Variants in GATC observed in about 807,000 individuals in gnomAD.
The protein encoded by GATC is glutamyl-tRNA amidotransferase subunit C.
In GATC, 11 loss-of-function variants were observed where a neutral mutation model predicts 14.4. That is an observed-to-expected ratio of 0.77 (90% CI 0.48 to 1.27). The LOEUF (loss-of-function observed/expected upper bound fraction) is 1.27, where lower values mean the gene tolerates loss of function less well. Ranked by LOEUF, GATC falls within the 50% of genes most tolerant of loss-of-function variation. GATC has a pLI of 0.00. For missense variants in GATC, 204 were observed against 183.0 expected (o/e 1.11, Z -0.66); for synonymous variants, 76 against 79.3 (o/e 0.96, Z 0.22).
chr12:120,446,864 G>C lies in GATC; in HGVS notation c.254+35G>C, dbSNP rs370981592. 5 of 1,555,204 alleles carry C rather than the reference G, an allele frequency of 3.2e-6. No homozygotes were observed. In the African/African-American group the frequency reaches 6.8e-5, roughly 21 times the overall value. On this transcript the variant is annotated intron_variant, in intron 2 of 3. Coordinates refer to ENST00000551765, the MANE Select transcript of GATC (RefSeq NM_176818.3). The stretch of plus-strand genomic sequence containing the variant: ...CGGCTGCAGCCCCGAAGCCTTGACC[G>C]TGGCCCGTTCGCAGCCGTTTAATGT...
chr12:120,459,111 G>A lies in GATC; in HGVS notation c.359-796G>A, dbSNP rs1408800325. Among the ~76,000 whole-genome samples the A allele has an allele frequency of 5.3e-5, 8 of 151,846 alleles. No individual in the cohort carries two copies. In the East Asian group the frequency reaches 5.8e-4, roughly 11 times the overall value. On this transcript the variant is annotated intron_variant, in intron 3 of 3. Coordinates refer to ENST00000551765, the MANE Select transcript of GATC (RefSeq NM_176818.3). ...TCCTGACCTCGTGATCGTCCGCTTC[G>A]GCCTCCCAGAGTGCTGGGATTACAG...
In GATC at chr12:120,461,445, C is replaced by A. The variant is rs1186929590; in HGVS notation, c.*1486C>A. On this transcript the variant is annotated 3_prime_UTR_variant, in exon 4 of 4. Transcript: ENST00000551765. ...TGCAATGCTTTTTTCTTTAAGGCAG[C>A]CTAATTTACAAGCTTGGCCTTGAAT... is the stretch of plus-strand genomic sequence containing the variant. 1.3e-5 allele frequency: 2 copies of A among 152,152 alleles called. No homozygotes were observed. The highest frequency in any genetic ancestry group is 2.9e-5 in the Non-Finnish European group (2 of 68,042). The allele number at this position is 152,152 out of a possible 1,614,324, so 9.4% of individuals were successfully genotyped here.
At position 120,460,185 on chromosome 12, in the gene GATC, A is replaced by C. The variant is rs1339594127; in HGVS notation, c.*226A>C. 2.3e-5 allele frequency: 11 copies of C among 471,634 alleles called. No individual in the cohort carries two copies. The East Asian group carries it at 4.3e-4, about 19-fold the overall frequency. The allele number at this position is 471,634 out of a possible 1,614,324, so 29.2% of individuals were successfully genotyped here. On this transcript the variant is annotated 3_prime_UTR_variant, in exon 4 of 4. Coordinates refer to ENST00000551765, the MANE Select transcript of GATC (RefSeq NM_176818.3). ...CTGAGGTGAAAGAAAAGCAAAAGTC[A>C]GCTTCCAAGGAATTCACTTAACAGG...
At chr12:120,446,979 A>G (rs1353551039) in intron 2 of GATC, 150 bp downstream of exon 2, 9 of 686,000 alleles carry the variant, frequency 1.3e-5, no homozygotes, top group Non-Finnish European at 2.1e-5. Flanking sequence ...CAGTGGCTTC[A>G]CTCTTCCCCT....
intron 2 of GATC, among the ~76,000 whole-genome samples, chr12:120,456,616 G>C (rs1238199076): frequency 1.3e-5 from 2 of 152,136 alleles, no homozygotes; most frequent in Admixed American, 1.3e-4. Context: ...GTGCCAGGAA[G>C]TCCATTTCTC....
rs1878298375 is a variant in GATC at position 120,460,246 on chromosome 12, T to C, written c.*287T>C. ...ATGGAAGACATTATTTATCTGCCTT[T>C]AACTCCCCCCAAAGGACCATACCAA... On this transcript the variant is annotated 3_prime_UTR_variant, in exon 4 of 4. Coordinates refer to ENST00000551765, the MANE Select transcript of GATC (RefSeq NM_176818.3). 1 of 266,932 alleles carries C rather than the reference T, an allele frequency of 3.7e-6. No individual in the cohort carries two copies. Among genetic ancestry groups the C allele is most frequent in the Admixed American group, 5.4e-5 (1 of 18,522 alleles). The allele number at this position is 266,932 out of a possible 1,614,324, so 16.5% of individuals were successfully genotyped here.
chr12:120,446,722 C>T lies in GATC; in HGVS notation c.147C>T (p.Gly49=). 1 of 1,613,948 alleles carries T rather than the reference C, an allele frequency of 6.2e-7. No homozygotes were observed. The highest frequency in any genetic ancestry group is 8.5e-7 in the Non-Finnish European group (1 of 1,180,018). The change falls in exon 2 of 4, where the codon GGC becomes GGT. Residue 49 remains glycine, a synonymous_variant. Coordinates refer to ENST00000551765, the MANE Select transcript of GATC (RefSeq NM_176818.3). ...AGCGTCTAGCGCTTGTGGACTTCGG[C>T]AGCCGCGAGGCAGTGGCGCGACTGG... The part of the protein sequence containing the change: ...HLERLALVDF[G]SREAVARLEK...
In GATC at chr12:120,461,942, C is replaced by T. The variant is rs1320480250; in HGVS notation, c.*1983C>T. On this transcript the variant is annotated 3_prime_UTR_variant, in exon 4 of 4. Coordinates refer to ENST00000551765, the MANE Select transcript of GATC (RefSeq NM_176818.3). ...AAAATTTCCTAAGACACTAAATCCT[C>T]AATCTGGAATGTAGATTCTGAGCAC... The T allele has an allele frequency of 2.2e-6, 3 of 1,353,890 alleles. No homozygotes were observed. In the African/African-American group the frequency reaches 4.5e-5, roughly 20 times the overall value. 83.9% of individuals were successfully genotyped at this position (1,353,890 alleles called of 1,614,324 possible).
intron 3 of GATC, among the ~76,000 whole-genome samples, chr12:120,457,824 C>G (rs1323480497): frequency 6.6e-6 from 1 of 152,070 alleles, no homozygotes; most frequent in African/African-American, 2.4e-5. Context: ...CCAGGATGGT[C>G]TCGATCTCCC....
intron 2 of GATC, among the ~76,000 whole-genome samples, chr12:120,452,237 T>C (rs1878070954): frequency 6.6e-6 from 1 of 152,182 alleles, no homozygotes; most frequent in South Asian, 2.1e-4. Context: ...CTATTTTATA[T>C]AGATGGAAAA....
chr12:120,454,942 C>T (rs957928014), intron 2 of GATC: 3 of 435,268 alleles, frequency 6.9e-6, no homozygotes, highest in African/African-American at 6.0e-5. Flanking sequence ...GGTTGGAGTG[C>T]AGTGGTGTGA....
At chr12:120,459,883 T>C (rs978293168) in intron 3 of GATC, 24 bp from the exon 4 acceptor site, 3 of 1,591,286 alleles carry the variant, frequency 1.9e-6, no homozygotes, top group Non-Finnish European at 2.6e-6. Context: ...CAAACAAAAA[T>C]TCTCTTTTGT....
At position 120,462,322 on chromosome 12, in the gene GATC, G is replaced by T. The variant is rs769749189; in HGVS notation, c.*2363G>T. 6.5e-5 allele frequency: 42 copies of T among 644,308 alleles called. No homozygotes were observed. Among genetic ancestry groups the T allele is most frequent in the Non-Finnish European group, 1.0e-4 (41 of 405,198 alleles). 39.9% of individuals were successfully genotyped at this position (644,308 alleles called of 1,614,324 possible). ...TCATTAAACCTTCATAACATTATGAGGTAGGTACTCTTACTATCCCATTTC... is the reference window on the plus strand; with the variant it reads ...TCATTAAACCTTCATAACATTATGATGTAGGTACTCTTACTATCCCATTTC... On this transcript the variant is annotated 3_prime_UTR_variant, in exon 4 of 4. Coordinates refer to ENST00000551765, the MANE Select transcript of GATC (RefSeq NM_176818.3).
rs868453697 is a variant in GATC, at chr12:120,461,947, T to C, written c.*1988T>C. The C allele has an allele frequency of 8.7e-6, 12 of 1,379,224 alleles. No individual in the cohort carries two copies. The South Asian group carries it at 1.1e-4, about 13-fold the overall frequency. The allele number at this position is 1,379,224 out of a possible 1,614,324, so 85.4% of individuals were successfully genotyped here. A position where few individuals can be genotyped will look rare whatever the true frequency, so the allele number is the denominator to read the frequency against. On this transcript the variant is annotated 3_prime_UTR_variant, in exon 4 of 4. Coordinates refer to ENST00000551765, the MANE Select transcript of GATC (RefSeq NM_176818.3). ...TTCCTAAGACACTAAATCCTCAATC[T>C]GGAATGTAGATTCTGAGCACAAAGC... is the stretch of plus-strand genomic sequence containing the variant.
rs1393990243 is a variant in GATC, at chr12:120,459,985, T to G, written c.*26T>G. On this transcript the variant is annotated 3_prime_UTR_variant, in exon 4 of 4. Transcript: ENST00000551765. ...GTAGCTCATTCTGGAAAGGGGGTAC[T>G]CTGTGAACATGTGGAAGCATAATGA... 1 of 1,572,708 alleles carries G rather than the reference T, an allele frequency of 6.4e-7. No individual in the cohort carries two copies. The highest frequency in any genetic ancestry group is 8.7e-7 in the Non-Finnish European group (1 of 1,143,712).
intron 1 of GATC, 39 bp downstream of exon 1, chr12:120,446,600 C>T: frequency 6.3e-7 from 1 of 1,590,458 alleles, no homozygotes; most frequent in African/African-American, 1.3e-5. Flanking sequence ...GCGGAGCAAG[C>T]CGGGAGGCAC....
chr12:120,455,628 G>C (rs1415969871), intron 2 of GATC, among the ~76,000 whole-genome samples: 1 of 152,044 alleles, frequency 6.6e-6, no homozygotes, highest in African/African-American at 2.4e-5. Flanking sequence ...TCTAGCTTTG[G>C]GCTGGGTGCC....
intron 2 of GATC, among the ~76,000 whole-genome samples, chr12:120,454,626 AG>A (rs1019596413): frequency 1.3e-5 from 2 of 150,806 alleles, no homozygotes; most frequent in Non-Finnish European, 3.0e-5. Context: ...CCTGTCAGCC[AG>A]GATGGTCTTG....
rs1023606396 is a variant in GATC, at chr12:120,463,423, T to C, written c.*3464T>C. 1 of 151,960 alleles carries C rather than the reference T, an allele frequency of 6.6e-6. No individual in the cohort carries two copies. Among genetic ancestry groups the C allele is most frequent in the Non-Finnish European group, 1.5e-5 (1 of 68,020 alleles). 9.4% of individuals were successfully genotyped at this position (151,960 alleles called of 1,614,324 possible). A position where few individuals can be genotyped will look rare whatever the true frequency, so the allele number is the denominator to read the frequency against. On this transcript the variant is annotated 3_prime_UTR_variant, in exon 4 of 4. Transcript: ENST00000551765. ...TCTAAAATCAAAAATTAGAGAAATA[T>C]AAAAATTATAAAATTAAAAAAGAAA...
Sources: gnomAD v4.1 joint callset for allele counts (sites outside exome capture counted in the v4.1 genomes callset) on GRCh38, gnomAD v4.1.1 for gene constraint, MANE v1.5 for transcripts, NCBI Gene and HGNC (gene_info 2026-07-23, HGNC 2026-07-21) for gene names.